The following RABL3 variants were observed in gnomAD, a reference collection of about 807,000 sequenced individuals.
RABL3 encodes the protein rab-like protein 3.
RABL3 carries 31 observed loss-of-function variants against 31.8 expected under a neutral mutation model. That is an observed-to-expected ratio of 0.97 (90% CI 0.73 to 1.31). The LOEUF is 1.31. Among genes scored for constraint, RABL3 ranks in the 40% most tolerant of loss-of-function variants. The pLI is 0.00. For synonymous variants in RABL3, 97 were observed against 99.9 expected (o/e 0.97, Z 0.18); for missense variants, 263 against 279.6 (o/e 0.94, Z 0.42).
rs1708775018 is a variant in RABL3 at position 120,723,468 on chromosome 3, T to A, written c.138+7228A>T. ...TTTTATGAGGCCAGCATCATCCTGA[T>A]ACCAAAGCCTGGCAGAGACACAACA... On this transcript the variant is annotated intron_variant, in intron 2 of 7. Coordinates refer to ENST00000273375, the MANE Select transcript of RABL3 (RefSeq NM_173825.5). Among the ~76,000 whole-genome samples, 3 of 152,182 alleles carry A rather than the reference T, an allele frequency of 2.0e-5. No homozygotes were observed. In the South Asian group the frequency reaches 6.2e-4, roughly 31 times the overall value.
intron 2 of RABL3, among the ~76,000 whole-genome samples, chr3:120,727,949 C>A (rs1035471539): frequency 1.3e-5 from 2 of 152,056 alleles, no homozygotes; most frequent in Non-Finnish European, 2.9e-5. Flanking sequence ...ATCAAATATA[C>A]CCATAAAAAA....
chr3:120,733,796 C>T (rs1392365932), intron 1 of RABL3, among the ~76,000 whole-genome samples: 1 of 152,112 alleles, frequency 6.6e-6, no homozygotes, highest in Non-Finnish European at 1.5e-5. Flanking sequence ...TTCCCAGCAC[C>T]ACTTATTAAA....
intron 5 of RABL3, among the ~76,000 whole-genome samples, chr3:120,695,183 CAT>C (rs1416017554): frequency 6.6e-6 from 1 of 152,100 alleles, no homozygotes; most frequent in African/African-American, 2.4e-5. Flanking sequence ...TCCAGGCCCA[CAT>C]GATTCCTTTC....
chr3:120,702,057 T>C (rs939858245), intron 4 of RABL3, among the ~76,000 whole-genome samples: 3 of 152,208 alleles, frequency 2.0e-5, no homozygotes, highest in Non-Finnish European at 4.4e-5. Flanking sequence ...AGAAGGCCTA[T>C]AGTTCTGGCT....
At chr3:120,725,729 T>C (rs1040294155) in intron 2 of RABL3, among the ~76,000 whole-genome samples, 2 of 152,198 alleles carry the variant, frequency 1.3e-5, no homozygotes, top group East Asian at 3.9e-4. Context: ...TTCTCACTCA[T>C]AGGTGGGAAT....
rs370745265 is a variant in RABL3, at chr3:120,708,746, A to G, written c.268+1034T>C. ...CATATATCAAGGTCATCTTATAACT[A>G]TTTTTGTCTCATTTATGAATGCTTT... On this transcript the variant is annotated intron_variant, in intron 3 of 7. Coordinates refer to ENST00000273375, the MANE Select transcript of RABL3 (RefSeq NM_173825.5). 8.0e-4 allele frequency among the ~76,000 whole-genome samples: 122 copies of G among 151,664 alleles called. 1 individual carries two copies. Among genetic ancestry groups the G allele is most frequent in the African/African-American group, 2.9e-3 (118 of 41,362 alleles).
At chr3:120,702,837 G>A (rs1339170494) in intron 4 of RABL3, among the ~76,000 whole-genome samples, 2 of 152,140 alleles carry the variant, frequency 1.3e-5, no homozygotes, top group Admixed American at 6.5e-5. Context: ...GATTACAGGC[G>A]TGAGCCACCG....
chr3:120,719,119 T>TACA (rs1171689019), intron 2 of RABL3, among the ~76,000 whole-genome samples: 2 of 152,294 alleles, frequency 1.3e-5, no homozygotes, highest in East Asian at 3.9e-4. Context: ...GATTAACACA[T>TACA]ATTTAGAACA....
intron 1 of RABL3, among the ~76,000 whole-genome samples, chr3:120,739,387 G>A (rs936675393): frequency 3.3e-5 from 5 of 150,358 alleles, no homozygotes; most frequent in African/African-American, 1.2e-4. Context: ...GGTGGTGGCG[G>A]GCAGTGGGGG....
rs1235504136 is a variant in RABL3 at position 120,686,502 on chromosome 3, G to A, written c.*3321C>T. On this transcript the variant is annotated 3_prime_UTR_variant, in exon 8 of 8. Transcript: ENST00000273375. The stretch of plus-strand genomic sequence containing the variant: ...AGAATGAACAGAAAAACAAGTGTCA[G>A]GGCACCTGGATTATATCATGAATGC... Among the ~76,000 whole-genome samples, 1 of 152,140 alleles carries A rather than the reference G, an allele frequency of 6.6e-6. No homozygotes were observed. Among genetic ancestry groups the A allele is most frequent in the African/African-American group, 2.4e-5 (1 of 41,422 alleles).
intron 6 of RABL3, among the ~76,000 whole-genome samples, chr3:120,692,667 C>T (rs1708394728): frequency 6.6e-6 from 1 of 152,094 alleles, no homozygotes; most frequent in Non-Finnish European, 1.5e-5. Context: ...GAGAAGTTAC[C>T]TTTTTGGTTT....
intron 1 of RABL3, among the ~76,000 whole-genome samples, chr3:120,732,611 T>C (rs577931251): frequency 4.6e-5 from 7 of 152,242 alleles, no homozygotes; most frequent in East Asian, 1.9e-4. Flanking sequence ...ATGTGCACAA[T>C]GTGCAGCTTT....
rs1288902042 is a variant in RABL3, at chr3:120,686,996, AG to A, written c.*2826del. On this transcript the variant is annotated 3_prime_UTR_variant, in exon 8 of 8. Coordinates refer to ENST00000273375, the MANE Select transcript of RABL3 (RefSeq NM_173825.5). ...GGCCTGCTTCAGGGGAGAAGGGGTA[AG>A]GGGAAGGTATGAGAAACCTTGCTTC... 2 of 152,194 alleles carry A rather than the reference AG, an allele frequency of 1.3e-5. No homozygotes were observed. Among genetic ancestry groups the A allele is most frequent in the Non-Finnish European group, 2.9e-5 (2 of 68,052 alleles). 9.4% of individuals were successfully genotyped at this position (152,194 alleles called of 1,614,324 possible).
At position 120,702,890 on chromosome 3, in the gene RABL3, A is replaced by G. The variant is rs2107579516; in HGVS notation, c.383+3110T>C. ...AAATTTTTCTGACTGATGGAACTGT[A>G]TCTCAAGACAGTGGGGCAAACTCCC... On this transcript the variant is annotated intron_variant, in intron 4 of 7. Transcript: ENST00000273375. Among the ~76,000 whole-genome samples the G allele has an allele frequency of 1.3e-5, 2 of 152,260 alleles. 1 individual carries two copies. The highest frequency in any genetic ancestry group is 4.1e-4 in the South Asian group (2 of 4,822).
intron 1 of RABL3, 110 bp downstream of exon 1, chr3:120,742,352 A>C: frequency 1.0e-6 from 1 of 1,003,602 alleles, no homozygotes. Context: ...CCTGGGAGGG[A>C]CTTCAGCCAC....
At chr3:120,715,413 C>A (rs6438590) in intron 2 of RABL3, among the ~76,000 whole-genome samples, 1 of 152,002 alleles carries the variant, frequency 6.6e-6, no homozygotes, top group Admixed American at 6.6e-5. Flanking sequence ...TGGCACGCAC[C>A]TGTAATCTCA....
intron 2 of RABL3, among the ~76,000 whole-genome samples, chr3:120,724,781 C>T (rs541129566): frequency 0.015 from 2,256 of 152,154 alleles, 27 homozygotes; most frequent in Non-Finnish European, 0.023. Context: ...CTTCCTGACA[C>T]CTTATACAAA....
intron 1 of RABL3, among the ~76,000 whole-genome samples, chr3:120,731,035 T>C (rs1290252750): frequency 2.0e-5 from 3 of 152,202 alleles, no homozygotes; most frequent in Non-Finnish European, 4.4e-5. Context: ...CCAGACTTTC[T>C]GATTTAGCGG....
Position 120,724,598 on chromosome 3 carries a change from C to T in RABL3, c.138+6098G>A, listed in dbSNP as rs149834511. ...AAACAGCATGGTACTGGTGCCAAAA[C>T]AGACATATAGGCCAATGGAACAGAA... On this transcript the variant is annotated intron_variant, in intron 2 of 7. Coordinates refer to ENST00000273375, the MANE Select transcript of RABL3 (RefSeq NM_173825.5). Among the ~76,000 whole-genome samples the T allele has an allele frequency of 7.6e-3, 1,158 of 152,302 alleles. 15 individuals carry two copies. The highest frequency in any genetic ancestry group is 0.026 in the African/African-American group (1,100 of 41,560).
Sources: allele counts gnomAD v4.1 joint callset (sites outside exome capture counted in the v4.1 genomes callset), GRCh38; gene constraint gnomAD v4.1.1; transcripts MANE v1.5; gene names NCBI Gene and HGNC (gene_info 2026-07-23, HGNC 2026-07-21).